ADAMTS10: variants seen among roughly 807,000 people sequenced by gnomAD.
The protein encoded by ADAMTS10 is ADAM metallopeptidase with thrombospondin type 1 motif 10, also known as A disintegrin and metalloproteinase with thrombospondin motifs 10.
A neutral mutation model predicts 135.9 loss-of-function variants in ADAMTS10; 48 were observed. The observed-to-expected ratio is 0.35, with a 90% CI of 0.28 to 0.45. The LOEUF (loss-of-function observed/expected upper bound fraction) is 0.45, where lower values mean the gene tolerates loss of function less well. Among genes scored for constraint, ADAMTS10 ranks in the 20% least tolerant of loss-of-function variants. ADAMTS10 has a pLI of 1.00. For missense variants in ADAMTS10, 1,131 were observed against 1,565.2 expected, an observed-to-expected ratio of 0.72 and a Z score of 4.68; for synonymous variants, 621 against 647.5, an observed-to-expected ratio of 0.96 and a Z score of 0.62.
intron 12 of ADAMTS10, among the ~76,000 whole-genome samples, chr19:8,594,073 A>G (rs1289889491): frequency 6.6e-6 from 1 of 152,200 alleles, no homozygotes; most frequent in Non-Finnish European, 1.5e-5. Context: ...CCTCTTGGCC[A>G]TATCTAAAAA....
In ADAMTS10 at chr19:8,605,066, G is replaced by C. The variant is rs1555742228; in HGVS notation, c.381C>G (p.His127Gln). 9.3e-6 allele frequency: 15 copies of C among 1,611,828 alleles called. No individual in the cohort carries two copies. In the Admixed American group the frequency reaches 2.3e-4, roughly 25 times the overall value. Residue 127 changes from histidine to glutamine, a missense_variant, in exon 4 of 26, where the codon CAC (histidine) becomes CAG (glutamine). Around this residue, in one of 3 missense-constraint regions of ADAMTS10, gnomAD observed 306 missense variants for 344.4 expected, o/e 0.89. Coordinates refer to ENST00000597188, the MANE Select transcript of ADAMTS10 (RefSeq NM_030957.4). This position sits in a 1 kb window ranked among gnomAD's most constrained non-coding sequence, Gnocchi z 7.7. ...GGGAGCTGCTGGCCTGGCCCTGCAG[G>C]TGACCAGCGTAGAGGCAGTGGGGCC... The part of the protein sequence containing the change: ...AARPHCLYAG[H>Q]LQGQASSSHV...
intron 6 of ADAMTS10, 52 bp downstream of exon 6, chr19:8,600,876 G>C: frequency 6.2e-7 from 1 of 1,606,534 alleles, no homozygotes; most frequent in Non-Finnish European, 8.5e-7. Flanking sequence ...TAACACTGCA[G>C]GCTGGCTCCA....
In ADAMTS10 at chr19:8,589,380, C is replaced by A. The variant is rs377401093; in HGVS notation, c.2035-15G>T. 1.9e-6 allele frequency: 3 copies of A among 1,611,892 alleles called. No homozygotes were observed. The highest frequency in any genetic ancestry group is 1.7e-5 in the Admixed American group (1 of 60,014). On this transcript the variant is annotated splice_polypyrimidine_tract_variant and intron_variant, in intron 17 of 25. Transcript: ENST00000597188. ...CAGCCCACGTGCTGCGTGGAGAAGG[C>A]GTGAGTGAGGCGACCCCCTAACCCA...
Position 8,586,324 on chromosome 19 carries a change from TC to T in ADAMTS10, c.2530+19del. Reference sequence around the variant, plus strand: ...ACCTCAGCCCAGGTATCTTGTGCCTTCCCCCACCCCCGGCCTCACCGCCTGC... The same window carrying T: ...ACCTCAGCCCAGGTATCTTGTGCCTTCCCCACCCCCGGCCTCACCGCCTGC... On this transcript the variant is annotated intron_variant, in intron 21 of 25. Transcript: ENST00000597188. The T allele has an allele frequency of 6.2e-7, 1 of 1,613,206 alleles. No individual in the cohort carries two copies. Among genetic ancestry groups the T allele is most frequent in the South Asian group, 1.1e-5 (1 of 91,016 alleles).
Position 8,589,226 on chromosome 19 carries a change from A to G in ADAMTS10, c.2158+16T>C. ...GCCCATGCAGGGAGTGTGGGAGGGAAGCTGGAGACTCTCACCGGCCCCAGG... is the reference window on the plus strand; with the variant it reads ...GCCCATGCAGGGAGTGTGGGAGGGAGGCTGGAGACTCTCACCGGCCCCAGG... On this transcript the variant is annotated intron_variant, in intron 18 of 25. Transcript: ENST00000597188. 4 of 1,612,266 alleles carry G rather than the reference A, an allele frequency of 2.5e-6. No individual in the cohort carries two copies. The highest frequency in any genetic ancestry group is 2.5e-6 in the Non-Finnish European group (3 of 1,179,936).
intron 12 of ADAMTS10, among the ~76,000 whole-genome samples, chr19:8,594,354 A>G (rs1352334154): frequency 1.3e-5 from 2 of 152,228 alleles, no homozygotes; most frequent in Non-Finnish European, 2.9e-5. Context: ...CACCAATGCC[A>G]TTATGGGGTA....
chr19:8,592,235 A>T, intron 13 of ADAMTS10, 132 bp from the exon 14 acceptor site: 7 of 1,454,824 alleles, frequency 4.8e-6, no homozygotes, highest in Non-Finnish European at 6.3e-6. Flanking sequence ...GGGTCTGAAC[A>T]TGCGAACAGA....
intron 12 of ADAMTS10, 130 bp from the exon 13 acceptor site, chr19:8,593,000 T>C (rs1011172769): frequency 9.0e-5 from 73 of 807,286 alleles, no homozygotes; most frequent in Non-Finnish European, 1.5e-4. Context: ...GCTCCCTTCC[T>C]GGCTCGCGGT....
Position 8,586,910 on chromosome 19 carries a change from C to T in ADAMTS10, c.2159-14G>A. ...CATCCTCGTACCCTGAACAGCAGAG[C>T]TCAGATGTCACCCACTTGGCATGTC... is the stretch of plus-strand genomic sequence containing the variant. On this transcript the variant is annotated splice_polypyrimidine_tract_variant and intron_variant, in intron 18 of 25. Transcript: ENST00000597188. 6.2e-7 allele frequency: 1 copy of T among 1,614,152 alleles called. No homozygotes were observed. The highest frequency in any genetic ancestry group is 8.5e-7 in the Non-Finnish European group (1 of 1,180,002).
chr19:8,593,023 A>C, intron 12 of ADAMTS10, 153 bp from the exon 13 acceptor site: 1 of 715,126 alleles, frequency 1.4e-6, no homozygotes, highest in Non-Finnish European at 2.5e-6. Flanking sequence ...GTCTTCGTGC[A>C]TCCCCTTGCG....
intron 6 of ADAMTS10, among the ~76,000 whole-genome samples, chr19:8,600,115 T>C (rs2042646823): frequency 6.6e-6 from 1 of 152,212 alleles, no homozygotes; most frequent in Non-Finnish European, 1.5e-5. Context: ...GCCCAGCCTG[T>C]GTGTATTTTT....
In ADAMTS10 at chr19:8,586,827, A is replaced by G; in HGVS notation, c.2228T>C (p.Leu743Pro). 6.2e-7 allele frequency: 1 copy of G among 1,614,106 alleles called. No homozygotes were observed. Among genetic ancestry groups the G allele is most frequent in the Non-Finnish European group, 8.5e-7 (1 of 1,180,002 alleles). Residue 743 changes from leucine (L) to proline (P), a missense_variant, in exon 19 of 26, where the codon CTC (leucine) becomes CCC (proline). Leu to Pro is a moderately conservative substitution (Grantham distance 98, BLOSUM62 -3). Coordinates refer to ENST00000597188, the MANE Select transcript of ADAMTS10 (RefSeq NM_030957.4). ...HIFIQDLNLSLSHLALKGDQE... is the reference protein window; with the variant it reads ...HIFIQDLNLSPSHLALKGDQE... ...CACCATCTGCTCACCCAAGTGACTG[A>G]GAGAGAGGTTCAGATCCTGGATGAA... is the stretch of plus-strand genomic sequence containing the variant.
intron 5 of ADAMTS10, among the ~76,000 whole-genome samples, chr19:8,603,176 T>C (rs1555741815): frequency 6.6e-6 from 1 of 152,208 alleles, no homozygotes; most frequent in African/African-American, 2.4e-5. Flanking sequence ...GCTGTCTTAC[T>C]CAGTGCTGGG....
chr19:8,583,951 G>C (rs939478278), intron 25 of ADAMTS10, among the ~76,000 whole-genome samples: 7 of 152,112 alleles, frequency 4.6e-5, no homozygotes, highest in Non-Finnish European at 7.4e-5. Flanking sequence ...AAGGTCAGGA[G>C]TTTGAGACCA....
chr19:8,587,986 C>T (rs1267730643), intron 18 of ADAMTS10, among the ~76,000 whole-genome samples: 1 of 147,868 alleles, frequency 6.8e-6, no homozygotes, highest in Non-Finnish European at 1.5e-5. Flanking sequence ...TGGTGGCTCA[C>T]ACCTGTAATC....
In ADAMTS10 at chr19:8,591,943, G is replaced by A. The variant is rs781973758; in HGVS notation, c.1733+15C>T. The A allele has an allele frequency of 2.5e-6, 4 of 1,612,204 alleles. No homozygotes were observed. The highest frequency in any genetic ancestry group is 3.4e-6 in the Non-Finnish European group (4 of 1,179,654). On this transcript the variant is annotated intron_variant, in intron 14 of 25. Transcript: ENST00000597188. ...GGTCGCGCTGCCCTCCCGGGTGGGG[G>A]TCCTGAGGGCTGACCTGGGGCTGTC...
At chr19:8,591,662 G>C in intron 15 of ADAMTS10, 138 bp downstream of exon 15, 2 of 994,900 alleles carry the variant, frequency 2.0e-6, no homozygotes, top group Non-Finnish European at 3.1e-6. Flanking sequence ...GGATGGTCTC[G>C]ATCTCCTGAC....
intron 5 of ADAMTS10, among the ~76,000 whole-genome samples, chr19:8,603,106 A>C (rs1156236272): frequency 6.6e-6 from 1 of 152,190 alleles, no homozygotes; most frequent in Non-Finnish European, 1.5e-5. Context: ...ACACCGTCTA[A>C]CTGTCTGATC....
In ADAMTS10 at chr19:8,596,901, C is replaced by G; in HGVS notation, c.1040+86G>C. On this transcript the variant is annotated intron_variant, in intron 8 of 25. Transcript: ENST00000597188. This position sits in a 1 kb window ranked among gnomAD's most constrained non-coding sequence, Gnocchi z 7.2. The stretch of plus-strand genomic sequence containing the variant: ...ACTTCTCTGCTCCTCCTGACCCTAG[C>G]AGAAGTGATCTCTGTTTGGACTCTC... The G allele has an allele frequency of 6.3e-7, 1 of 1,591,772 alleles. No homozygotes were observed. The highest frequency in any genetic ancestry group is 1.7e-5 in the Admixed American group (1 of 59,860).
Sources: allele counts gnomAD v4.1 joint callset (sites outside exome capture counted in the v4.1 genomes callset), GRCh38; gene constraint gnomAD v4.1.1; regional missense constraint gnomAD v4.1.1; non-coding constraint Gnocchi (gnomAD v3.1); transcripts MANE v1.5; gene names NCBI Gene and HGNC (gene_info 2026-07-23, HGNC 2026-07-21).